DACH2: variants seen among roughly 807,000 people sequenced by gnomAD.
DACH2 encodes dachshund family transcription factor 2.
Under a neutral mutation model 35.8 loss-of-function variants are expected in DACH2, and 17 were observed. The ratio of observed to expected loss-of-function variants is 0.48; its 90% CI spans 0.33 to 0.71. The LOEUF (loss-of-function observed/expected upper bound fraction) is 0.71. DACH2 is among the 30% of genes least tolerant of loss of function. The pLI is 0.02. For synonymous variants in DACH2, 195 were observed against 177.3 expected (o/e 1.10, Z -0.79); for missense variants, 469 against 472.7 (o/e 0.99, Z 0.07).
chrX:86,556,795 T>TATATATATATATATAG (rs1232719385), intron 3 of DACH2, among the ~76,000 whole-genome samples: 2 of 25,294 alleles, frequency 7.9e-5, no homozygotes, highest in Non-Finnish European at 1.3e-4. Context: ...TATATATATA[T>TATATATATATATATAG]AGAGAGAGAG....
At chrX:86,706,277 A>G (rs2041215425) in intron 5 of DACH2, among the ~76,000 whole-genome samples, 1 of 111,600 alleles carries the variant, frequency 9.0e-6, no homozygotes, top group Non-Finnish European at 1.9e-5. Context: ...AAGTAATTTT[A>G]AAAAGAATGT....
At chrX:86,173,832 G>T in intron 1 of DACH2, among the ~76,000 whole-genome samples, 1 of 112,265 alleles carries the variant, frequency 8.9e-6, no homozygotes, top group Middle Eastern at 4.6e-3. Flanking sequence ...ATAAGGCAAA[G>T]GTAGAAGCAG....
At chrX:86,251,334 A>G (rs2033395633) in intron 1 of DACH2, among the ~76,000 whole-genome samples, 1 of 110,837 alleles carries the variant, frequency 9.0e-6, no homozygotes, top group African/African-American at 3.3e-5. Flanking sequence ...TTCATTGACA[A>G]TCGTTTTAAA....
At chrX:86,591,054 G>A (rs1057240067) in intron 3 of DACH2, among the ~76,000 whole-genome samples, 2 of 109,811 alleles carry the variant, frequency 1.8e-5, no homozygotes, top group Non-Finnish European at 3.8e-5. Flanking sequence ...TCCCACCTAT[G>A]AGTGAGAACA....
At chrX:86,412,203 C>T (rs764455059) in intron 2 of DACH2, among the ~76,000 whole-genome samples, 7 of 111,139 alleles carry the variant, frequency 6.3e-5, no homozygotes, top group Admixed American at 4.8e-4. Flanking sequence ...CTGGTGGCAG[C>T]ATTCCTCCAG....
intron 1 of DACH2, among the ~76,000 whole-genome samples, chrX:86,343,908 G>T (rs2148063811): frequency 9.0e-6 from 1 of 110,582 alleles, no homozygotes; most frequent in East Asian, 2.9e-4. Flanking sequence ...ACCAGAGGCT[G>T]GGAAGGGTAG....
rs62595666 is a variant in DACH2 at position 86,777,621 on chromosome X, A to G, written c.1241-35235A>G. ...TATTTTCTATATTTATTTATTCTGC[A>G]TTTATAACATTCATGTCATTTAAAT... is the stretch of plus-strand genomic sequence containing the variant. On this transcript the variant is annotated intron_variant, in intron 7 of 11. Transcript: ENST00000373125. Among the ~76,000 whole-genome samples, 225 of 111,645 alleles carry G rather than the reference A, an allele frequency of 2.0e-3. 1 individual carries two copies. The highest frequency in any genetic ancestry group is 2.7e-3 in the Non-Finnish European group (143 of 53,149).
chrX:86,591,610 T>C (rs1399269699), intron 3 of DACH2, among the ~76,000 whole-genome samples: 1 of 108,218 alleles, frequency 9.2e-6, no homozygotes, highest in Non-Finnish European at 1.9e-5. Flanking sequence ...CAATTTCTGC[T>C]CACTGCAACC....
chrX:86,507,272 A>C (rs2038336721), intron 2 of DACH2, among the ~76,000 whole-genome samples: 1 of 110,893 alleles, frequency 9.0e-6, no homozygotes, highest in Non-Finnish European at 1.9e-5. Context: ...CTAACTGTTG[A>C]GGTTATCGTG....
At chrX:86,474,678 G>A (rs994660930) in intron 2 of DACH2, among the ~76,000 whole-genome samples, 17 of 111,687 alleles carry the variant, frequency 1.5e-4, no homozygotes, top group African/African-American at 5.5e-4. Flanking sequence ...GTGTGGAGTT[G>A]TTTCTGGGTT....
At chrX:86,460,772 G>C (rs2037558352) in intron 2 of DACH2, among the ~76,000 whole-genome samples, 1 of 110,564 alleles carries the variant, frequency 9.0e-6, no homozygotes. Context: ...ACTTACAAGT[G>C]GGACTAGAAT....
At chrX:86,630,772 C>A (rs898110946) in intron 3 of DACH2, among the ~76,000 whole-genome samples, 1 of 109,751 alleles carries the variant, frequency 9.1e-6, no homozygotes, top group African/African-American at 3.3e-5. Flanking sequence ...CTCACTGCAA[C>A]TTCCGCCTCC....
intron 1 of DACH2, among the ~76,000 whole-genome samples, chrX:86,198,133 T>C (rs2032043370): frequency 8.9e-6 from 1 of 111,847 alleles, no homozygotes. Flanking sequence ...GACAGTTACA[T>C]GGAAATTGAA....
At chrX:86,182,747 A>G (rs1236189378) in intron 1 of DACH2, among the ~76,000 whole-genome samples, 2 of 111,560 alleles carry the variant, frequency 1.8e-5, no homozygotes, top group South Asian at 3.8e-4. Flanking sequence ...GTAGCATTGA[A>G]TCTATAAATT....
rs183322366 is a variant in DACH2 at position 86,247,493 on chromosome X, C to T, written c.488+98385C>T. Among the ~76,000 whole-genome samples, 12 of 111,630 alleles carry T rather than the reference C, an allele frequency of 1.1e-4. No individual in the cohort carries two copies. In the East Asian group the frequency reaches 2.5e-3, roughly 24 times the overall value. On this transcript the variant is annotated intron_variant, in intron 1 of 11. Transcript: ENST00000373125. ...AACACCCAGTGATTATTACAAATACCTTTATGCATACAAACTAGAAAACAA... is the reference window on the plus strand; with the variant it reads ...AACACCCAGTGATTATTACAAATACTTTTATGCATACAAACTAGAAAACAA...
chrX:86,506,701 C>T (rs2038329134), intron 2 of DACH2, among the ~76,000 whole-genome samples: 1 of 111,829 alleles, frequency 8.9e-6, no homozygotes, highest in Non-Finnish European at 1.9e-5. Context: ...GCTCTCCTCT[C>T]CACTTTTAAA....
intron 1 of DACH2, among the ~76,000 whole-genome samples, chrX:86,270,045 T>A (rs1239467309): frequency 1.3e-4 from 13 of 103,510 alleles, no homozygotes; most frequent in African/African-American, 4.5e-4. Context: ...ATATATTTTT[T>A]TTTTTTCCTA....
At chrX:86,720,630 G>A (rs745370121) in intron 6 of DACH2, among the ~76,000 whole-genome samples, 1 of 104,456 alleles carries the variant, frequency 9.6e-6, no homozygotes, top group Non-Finnish European at 1.9e-5. Flanking sequence ...TACTTTCACA[G>A]GATGGTGTTG....
At chrX:86,581,476 A>G (rs983361061) in intron 3 of DACH2, among the ~76,000 whole-genome samples, 13 of 111,692 alleles carry the variant, frequency 1.2e-4, no homozygotes, top group Admixed American at 1.0e-3. Context: ...TGTTTGAGAG[A>G]TGCATCTCAC....
Sources: gnomAD v4.1 joint callset for allele counts (sites outside exome capture counted in the v4.1 genomes callset) on GRCh38, gnomAD v4.1.1 for gene constraint, MANE v1.5 for transcripts, NCBI Gene and HGNC (gene_info 2026-07-23, HGNC 2026-07-21) for gene names.